Variants in HAS1 observed in about 807,000 individuals in gnomAD.
The protein encoded by HAS1 is hyaluronan synthase 1.
A neutral mutation model predicts 35.0 loss-of-function variants in HAS1; 27 were observed. The ratio of observed to expected loss-of-function variants is 0.77; its 90% CI spans 0.57 to 1.06. The LOEUF is 1.06. Ranked by LOEUF, HAS1 falls within the 50% of genes least tolerant of loss-of-function variation. The pLI is 0.00. For synonymous variants in HAS1, 409 were observed against 371.2 expected (o/e 1.10, Z -1.17); for missense variants, 940 against 814.8 (o/e 1.15, Z -1.87).
At position 51,715,463 on chromosome 19, in the gene HAS1, G is replaced by A. The variant is rs112648993; in HGVS notation, c.1058+793C>T. ...ACTTCCTATCCACCACCCTTGCCCG[G>A]CATTATTTATCTCCATAACACATAT... is the stretch of plus-strand genomic sequence containing the variant. On this transcript the variant is annotated intron_variant, in intron 4 of 4. Coordinates refer to ENST00000540069, the MANE Select transcript of HAS1 (RefSeq NM_001297436.2). 3.6e-3 allele frequency among the ~76,000 whole-genome samples: 544 copies of A among 152,082 alleles called. 4 individuals are homozygous for A. The highest frequency in any genetic ancestry group is 0.012 in the African/African-American group (512 of 41,450).
At chr19:51,723,238 C>T (rs1187670026) in intron 1 of HAS1, among the ~76,000 whole-genome samples, 3 of 152,140 alleles carry the variant, frequency 2.0e-5, no homozygotes, top group Admixed American at 6.6e-5. Context: ...CACAGCGATC[C>T]CGTGACCCCC....
Position 51,713,796 on chromosome 19 carries a change from C to T in HAS1, c.1365G>A (p.Leu455=), listed in dbSNP as rs2083560714. ...CGTAGAGCGACAGAAGCACCATGCG[C>T]AGGCAGCCCCGCAGCCAGGCCGCGA... ...AAFAAWLRGC[L]RMVLLSLYAP... is the part of the protein sequence containing the mutation. The change falls in exon 5 of 5, where the codon CTG becomes CTA. Residue 455 remains leucine (L), a synonymous_variant. Transcript: ENST00000540069. The surrounding 1 kb of genome is among the most constrained non-coding windows in gnomAD (Gnocchi z 4.5). 6.2e-7 allele frequency: 1 copy of T among 1,605,546 alleles called. No homozygotes were observed. The highest frequency in any genetic ancestry group is 8.5e-7 in the Non-Finnish European group (1 of 1,176,774).
chr19:51,715,052 C>G (rs985881704), intron 4 of HAS1, among the ~76,000 whole-genome samples: 2 of 152,112 alleles, frequency 1.3e-5, no homozygotes, highest in African/African-American at 4.8e-5. Flanking sequence ...CATCATTAAT[C>G]AATCCCTGCA....
At chr19:51,716,445 C>T (rs1481242446) in intron 3 of HAS1, 57 bp from the exon 4 acceptor site, 14 of 1,516,724 alleles carry the variant, frequency 9.2e-6, no homozygotes, top group Non-Finnish European at 1.3e-5. Flanking sequence ...AACACCAACT[C>T]CAATGCTGTT....
intron 3 of HAS1, 73 bp downstream of exon 3, chr19:51,716,894 TC>T: frequency 9.8e-7 from 1 of 1,017,108 alleles, no homozygotes; most frequent in African/African-American, 1.6e-5. Context: ...CCCAGTCACA[TC>T]CTCAGCCCCA....
chr19:51,719,643 G>T lies in HAS1; in HGVS notation c.262C>A (p.Leu88Met). ...RRVAAAARGP[L>M]DAATARSVAL... ...ACACTGCGCGCGGTGGCTGCATCCA[G>T]CGGCCCCCGCGCCGCCGCCGCCACC... The change falls in exon 2 of 5, where the codon CTG becomes ATG. Residue 88 changes from leucine (L) to methionine (M), a missense_variant. Physicochemically the swap from Leu to Met is conservative, Grantham distance 15 (BLOSUM62 2). Transcript: ENST00000540069. The T allele has an allele frequency of 6.5e-7, 1 of 1,538,294 alleles. No individual in the cohort carries two copies. Among genetic ancestry groups the T allele is most frequent in the South Asian group, 1.2e-5 (1 of 83,252 alleles).
Position 51,713,471 on chromosome 19 carries a change from T to C in HAS1, c.1690A>G (p.Arg564Gly). 1 of 1,565,612 alleles carries C rather than the reference T, an allele frequency of 6.4e-7. No individual in the cohort carries two copies. The highest frequency in any genetic ancestry group is 1.2e-5 in the South Asian group (1 of 86,238). Residue 564 changes from arginine to glycine, a missense_variant, in exon 5 of 5, where the codon AGG becomes GGG. Arg to Gly is a moderately radical substitution (Grantham distance 125). Coordinates refer to ENST00000540069, the MANE Select transcript of HAS1 (RefSeq NM_001297436.2). The surrounding 1 kb of genome is among the most constrained non-coding windows in gnomAD (Gnocchi z 4.5). ...CCCCCGGTCCGCCGCCGGCAAAGCC[T>C]CCGCACGCCCACCCAGTACAGCGTC... ...MLTLYWVGVR[R>G]LCRRRTGGYR...
At chr19:51,714,252 G>A (rs1227134499) in intron 4 of HAS1, 150 bp from the exon 5 acceptor site, 12 of 1,284,866 alleles carry the variant, frequency 9.3e-6, no homozygotes, top group African/African-American at 4.5e-5. Flanking sequence ...AGAATAGGGT[G>A]GATAATGGTT....
rs975531798 is a variant in HAS1, at chr19:51,719,506, C to T, written c.399G>A (p.Val133=). 1.3e-6 allele frequency: 2 copies of T among 1,550,192 alleles called. No homozygotes were observed. Among genetic ancestry groups the T allele is most frequent in the South Asian group, 1.2e-5 (1 of 83,908 alleles). The change falls in exon 2 of 5, where the codon GTG becomes GTA. Residue 133 remains valine (V), a synonymous_variant. Transcript: ENST00000540069. ...AGAGGTCCTCGGCGCGGTTGCCATC[C>T]ACCACCATGAGGACGCGCAGCCGCG... ...PRARLRVLMV[V]DGNRAEDLYM...
In HAS1 at chr19:51,713,777, G is replaced by A. The variant is rs2083560370; in HGVS notation, c.1384C>T (p.Leu462Phe). ...RGCLRMVLLS[L>F]YAPLYMCGLL... ...CCACACATGTAGAGGGGCGCGTAGA[G>A]CGACAGAAGCACCATGCGCAGGCAG... Residue 462 changes from leucine to phenylalanine, a missense_variant, in exon 5 of 5, where the codon CTC (leucine) becomes TTC (phenylalanine). Physicochemically the swap from Leu to Phe is conservative, Grantham distance 22. Transcript: ENST00000540069. The surrounding 1 kb of genome is among the most constrained non-coding windows in gnomAD (Gnocchi z 4.5). The A allele has an allele frequency of 2.5e-6, 4 of 1,605,014 alleles. No homozygotes were observed. Among genetic ancestry groups the A allele is most frequent in the Non-Finnish European group, 3.4e-6 (4 of 1,176,234 alleles).
chr19:51,722,912 TTTAAA>T (rs1237287076), intron 1 of HAS1, among the ~76,000 whole-genome samples: 8 of 152,146 alleles, frequency 5.3e-5, no homozygotes, highest in African/African-American at 1.9e-4. Flanking sequence ...ACAAGAAAAT[TTTAAA>T]TTAGATATTG....
At chr19:51,718,491 G>A (rs2083601260) in intron 2 of HAS1, among the ~76,000 whole-genome samples, 2 of 152,114 alleles carry the variant, frequency 1.3e-5, no homozygotes, top group African/African-American at 2.4e-5. Context: ...CCATGAGTGA[G>A]TAAAGAAAAA....
chr19:51,715,900 C>T (rs1439001440), intron 4 of HAS1, among the ~76,000 whole-genome samples: 1 of 152,208 alleles, frequency 6.6e-6, no homozygotes, highest in Non-Finnish European at 1.5e-5. Context: ...CACTGTGCTA[C>T]CTTGGTCTCC....
chr19:51,721,118 A>G (rs1451724885), intron 1 of HAS1, among the ~76,000 whole-genome samples: 1 of 152,314 alleles, frequency 6.6e-6, no homozygotes, highest in Non-Finnish European at 1.5e-5. Context: ...AATTTGCCCA[A>G]GGTTGTCCCT....
At chr19:51,716,017 G>A (rs1417994041) in intron 4 of HAS1, among the ~76,000 whole-genome samples, 1 of 152,124 alleles carries the variant, frequency 6.6e-6, no homozygotes, top group Non-Finnish European at 1.5e-5. Flanking sequence ...GCAAATGCCA[G>A]CCTTGTCCCT....
In HAS1 at chr19:51,713,564, G is replaced by A; in HGVS notation, c.1597C>T (p.Arg533Cys). ...GCCAAGTGGTAGGCCTCGGCTGCGC[G>A]GGAAGGGCCGCTCCAGTCGGCCCTG... ...EARADWSGPS[R>C]AAEAYHLAAG... Residue 533 changes from arginine to cysteine, a missense_variant, in exon 5 of 5, where the codon CGC becomes TGC. Arg to Cys is a radical substitution (Grantham distance 180). Coordinates refer to ENST00000540069, the MANE Select transcript of HAS1 (RefSeq NM_001297436.2). This position sits in a 1 kb window ranked among gnomAD's most constrained non-coding sequence, Gnocchi z 4.5. 5 of 1,574,630 alleles carry A rather than the reference G, an allele frequency of 3.2e-6. No homozygotes were observed. Among genetic ancestry groups the A allele is most frequent in the Non-Finnish European group, 3.4e-6 (4 of 1,161,144 alleles).
At position 51,719,866 on chromosome 19, in the gene HAS1, G is replaced by A; in HGVS notation, c.39C>T (p.Cys13=). 1 of 1,543,322 alleles carries A rather than the reference G, an allele frequency of 6.5e-7. No individual in the cohort carries two copies. The highest frequency in any genetic ancestry group is 1.4e-5 in the African/African-American group (1 of 73,350). The stretch of plus-strand genomic sequence containing the variant: ...CCCTCCGGGCCAGGCCGGAGCAGCG[G>A]CAGGCTGCAGGAGTGGGCTTGGGCG... ...QDAPKPTPAA[C]RCSGLARRVL... The change falls in exon 2 of 5, where the codon TGC becomes TGT. Residue 13 remains cysteine (C), a synonymous_variant. Transcript: ENST00000540069.
At chr19:51,718,923 G>A (rs1199516733) in intron 2 of HAS1, among the ~76,000 whole-genome samples, 1 of 152,192 alleles carries the variant, frequency 6.6e-6, no homozygotes, top group Non-Finnish European at 1.5e-5. Context: ...AAGAATGAGT[G>A]AAATTGTCTC....
At position 51,713,391 on chromosome 19, in the gene HAS1, C is replaced by G; in HGVS notation, c.*36G>C. 6.9e-7 allele frequency: 1 copy of G among 1,454,558 alleles called. No individual in the cohort carries two copies. Among genetic ancestry groups the G allele is most frequent in the Non-Finnish European group, 9.1e-7 (1 of 1,102,136 alleles). The allele number at this position is 1,454,558 out of a possible 1,614,324, so 90.1% of individuals were successfully genotyped here. A position where few individuals can be genotyped will look rare whatever the true frequency, so the allele number is the denominator to read the frequency against. ...CCCAGCAGCTCTCCTCTGGCCTCCC[C>G]TGAAGACCCTTGAGGCGGCATCCGC... On this transcript the variant is annotated 3_prime_UTR_variant, in exon 5 of 5. Coordinates refer to ENST00000540069, the MANE Select transcript of HAS1 (RefSeq NM_001297436.2). The surrounding 1 kb of genome is among the most constrained non-coding windows in gnomAD (Gnocchi z 4.5).
Sources: gnomAD v4.1 joint callset for allele counts (sites outside exome capture counted in the v4.1 genomes callset) on GRCh38, gnomAD v4.1.1 for gene constraint, Gnocchi (gnomAD v3.1) non-coding constraint, MANE v1.5 for transcripts, NCBI Gene and HGNC (gene_info 2026-07-23, HGNC 2026-07-21) for gene names.